Variants in NEBL observed in about 807,000 individuals in gnomAD.
NEBL encodes LIM and SH3 protein 2.
In NEBL, 122 loss-of-function variants were observed where a neutral mutation model predicts 140.2. The ratio of observed to expected loss-of-function variants is 0.87; its 90% CI spans 0.75 to 1.01. NEBL has a LOEUF of 1.01. NEBL is among the 50% of genes least tolerant of loss of function. The probability of loss-of-function intolerance (pLI) is 0.00; values close to 1 mark genes in which losing one functional copy is unlikely to be tolerated. For missense variants in NEBL, 1,365 were observed against 1,231.3 expected, an observed-to-expected ratio of 1.11 and a Z score of -1.62; for synonymous variants, 436 against 398.9, an observed-to-expected ratio of 1.09 and a Z score of -1.11.
At chr10:21,055,631 CAAT>C (rs965269822) in intron 2 of NEBL, among the ~76,000 whole-genome samples, 26 of 152,242 alleles carry the variant, frequency 1.7e-4, no homozygotes, top group African/African-American at 5.8e-4. Flanking sequence ...CCTAAAATGG[CAAT>C]AATAACAGTG....
At chr10:21,267,877 G>A (rs768197120) in intron 1 of NEBL, among the ~76,000 whole-genome samples, 1 of 152,192 alleles carries the variant, frequency 6.6e-6, no homozygotes, top group Non-Finnish European at 1.5e-5. Context: ...AACACAGAAA[G>A]ATCTATGGGA....
At chr10:21,022,118 T>C (rs536075054) in intron 2 of NEBL, among the ~76,000 whole-genome samples, 1 of 152,302 alleles carries the variant, frequency 6.6e-6, no homozygotes, top group African/African-American at 2.4e-5. Context: ...ACTGCTCCCA[T>C]GTTCGGCTGG....
intron 4 of NEBL, among the ~76,000 whole-genome samples, 186 bp downstream of exon 4, chr10:20,887,911 C>A (rs1846669345): frequency 6.6e-6 from 1 of 152,156 alleles, no homozygotes; most frequent in South Asian, 2.1e-4. Context: ...CTGACATAAA[C>A]CTGCGTGTCC....
At chr10:20,839,747 T>C (rs1841234606) in intron 13 of NEBL, among the ~76,000 whole-genome samples, 1 of 152,162 alleles carries the variant, frequency 6.6e-6, no homozygotes, top group African/African-American at 2.4e-5. Flanking sequence ...ACAATGATTA[T>C]GCCAGGTGTA....
intron 2 of NEBL, among the ~76,000 whole-genome samples, chr10:21,048,477 A>T (rs1308145694): frequency 6.6e-6 from 1 of 150,524 alleles, no homozygotes; most frequent in African/African-American, 2.4e-5. Flanking sequence ...AAACCTAAGT[A>T]ACAGAAGAGA....
chr10:21,266,292 C>T (rs568333411), intron 1 of NEBL, among the ~76,000 whole-genome samples: 61 of 152,112 alleles, frequency 4.0e-4, no homozygotes, highest in Non-Finnish European at 8.2e-4. Context: ...CAGGTGCACA[C>T]CACCATGCCC....
At chr10:21,219,494 T>A (rs1010741899) in intron 3 of NEBL, among the ~76,000 whole-genome samples, 1 of 152,232 alleles carries the variant, frequency 6.6e-6, no homozygotes, top group Non-Finnish European at 1.5e-5. Context: ...TCCAGTAGCA[T>A]GCTGTTTTGA....
At chr10:21,066,074 G>A (rs1211202058) in intron 2 of NEBL, among the ~76,000 whole-genome samples, 1 of 152,124 alleles carries the variant, frequency 6.6e-6, no homozygotes, top group African/African-American at 2.4e-5. Flanking sequence ...CTTTCCATAT[G>A]AGCATAAGCT....
In NEBL at chr10:21,128,127, T is replaced by C. The variant is rs960390271; in HGVS notation, c.164+44256A>G. Among the ~76,000 whole-genome samples, 4 of 152,192 alleles carry C rather than the reference T, an allele frequency of 2.6e-5. No individual in the cohort carries two copies. In the South Asian group the frequency reaches 8.3e-4, roughly 32 times the overall value. ...TACCCAGCACACATTCATTTCATTATAACCAAATTCAAAGGAAACACAAAC... is the reference window on the plus strand; with the variant it reads ...TACCCAGCACACATTCATTTCATTACAACCAAATTCAAAGGAAACACAAAC... On this transcript the variant is annotated intron_variant, in intron 2 of 6. Transcript: ENST00000417816.
At chr10:21,090,157 G>T (rs573693244) in intron 2 of NEBL, among the ~76,000 whole-genome samples, 1 of 152,238 alleles carries the variant, frequency 6.6e-6, no homozygotes, top group African/African-American at 2.4e-5. Flanking sequence ...CAAGAGCTAC[G>T]GTCTTCCCAG....
intron 26 of NEBL, among the ~76,000 whole-genome samples, chr10:20,802,037 C>T (rs1286913486): frequency 3.3e-5 from 5 of 152,124 alleles, no homozygotes; most frequent in African/African-American, 4.8e-5. Context: ...ACTCCCATAT[C>T]CTTTTACGTT....
intron 2 of NEBL, among the ~76,000 whole-genome samples, chr10:21,156,924 A>G (rs549586356): frequency 6.6e-6 from 1 of 152,208 alleles, no homozygotes; most frequent in Admixed American, 6.5e-5. Context: ...CATTTTCTAT[A>G]AAAATTTAAA....
At chr10:21,149,692 AC>A (rs1389912376) in intron 2 of NEBL, among the ~76,000 whole-genome samples, 1 of 152,228 alleles carries the variant, frequency 6.6e-6, no homozygotes, top group African/African-American at 2.4e-5. Flanking sequence ...AGTTCTGGGA[AC>A]CCTGATTAAT....
Position 21,003,626 on chromosome 10 carries a change from G to A in NEBL, c.249+16491C>T, listed in dbSNP as rs144549976. ...CAATGATTATTGACTGAGGGATGAC[G>A]TCATGAGTTTCTTGAATCGACTTCG... On this transcript the variant is annotated intron_variant, in intron 3 of 6. Coordinates refer to the NEBL transcript ENST00000417816. 2.2e-3 allele frequency among the ~76,000 whole-genome samples: 333 copies of A among 152,236 alleles called. 1 individual carries two copies. Among genetic ancestry groups the A allele is most frequent in the African/African-American group, 7.4e-3 (307 of 41,530 alleles).
At chr10:21,259,088 A>C (rs1842702923) in intron 1 of NEBL, among the ~76,000 whole-genome samples, 1 of 148,276 alleles carries the variant, frequency 6.7e-6, no homozygotes, top group Admixed American at 6.7e-5. Flanking sequence ...TTTTTTTAAT[A>C]GCTTTTTTGT....
At chr10:21,137,798 C>G (rs1839423067) in intron 2 of NEBL, among the ~76,000 whole-genome samples, 1 of 151,798 alleles carries the variant, frequency 6.6e-6, no homozygotes, top group African/African-American at 2.4e-5. Flanking sequence ...ACTAAACCAG[C>G]TGAGCATTAT....
chr10:20,934,175 G>T (rs1834353377), intron 4 of NEBL, among the ~76,000 whole-genome samples: 1 of 152,116 alleles, frequency 6.6e-6, no homozygotes, highest in South Asian at 2.1e-4. Flanking sequence ...CAGGTCTACG[G>T]TCAAAACAAA....
intron 26 of NEBL, among the ~76,000 whole-genome samples, chr10:20,801,820 C>T (rs943208854): frequency 6.6e-6 from 1 of 152,054 alleles, no homozygotes; most frequent in African/African-American, 2.4e-5. Context: ...CTCTTGAATA[C>T]GTATTACATG....
rs141192919 is a variant in NEBL at position 20,815,817 on chromosome 10, G to A, written c.2149-100C>T. The A allele has an allele frequency of 2.5e-3, 2,084 of 840,832 alleles. 36 individuals are homozygous for A. The African/African-American group carries it at 0.029, about 12-fold the overall frequency. 52.1% of individuals were successfully genotyped at this position (840,832 alleles called of 1,614,324 possible). The stretch of plus-strand genomic sequence containing the variant: ...AGGGTCTTGCTCTGTCACCCAGGCT[G>A]AAGTGCAGTGGTACAATCTTTGCTC... On this transcript the variant is annotated intron_variant, in intron 21 of 27. Coordinates refer to ENST00000377122, the MANE Select transcript of NEBL (RefSeq NM_006393.3).
Sources: allele counts gnomAD v4.1 joint callset (sites outside exome capture counted in the v4.1 genomes callset), GRCh38; gene constraint gnomAD v4.1.1; transcripts MANE v1.5; gene names NCBI Gene and HGNC (gene_info 2026-07-23, HGNC 2026-07-21).